Variants in TRPM7 observed in about 807,000 individuals in gnomAD.
TRPM7 encodes LTRPC ion channel family member 7.
Under a neutral mutation model 229.7 loss-of-function variants are expected in TRPM7, and 134 were observed. The ratio of observed to expected loss-of-function variants is 0.58; its 90% CI spans 0.51 to 0.67. The LOEUF (loss-of-function observed/expected upper bound fraction) is 0.67. Ranked by LOEUF, TRPM7 falls within the 30% of genes least tolerant of loss-of-function variation. TRPM7 has a pLI of 0.00. For missense variants in TRPM7, 1,901 were observed against 2,210.0 expected (o/e 0.86, Z 2.80); for synonymous variants, 699 against 715.2 (o/e 0.98, Z 0.36).
At chr15:50,577,131 C>T (rs1042883674) in intron 31 of TRPM7, among the ~76,000 whole-genome samples, 3 of 146,048 alleles carry the variant, frequency 2.1e-5, no homozygotes, top group South Asian at 2.2e-4. Context: ...GGGCGGGAGG[C>T]GTGGAATTAA....
chr15:50,582,669 G>C (rs1212619181), intron 29 of TRPM7, among the ~76,000 whole-genome samples: 1 of 152,160 alleles, frequency 6.6e-6, no homozygotes, highest in East Asian at 1.9e-4. Context: ...GATATATTTT[G>C]AATGTAAGTC....
In TRPM7 at chr15:50,586,193, G is replaced by A. The variant is rs140196141; in HGVS notation, c.4486+199C>T. Among the ~76,000 whole-genome samples, 379 of 152,272 alleles carry A rather than the reference G, an allele frequency of 2.5e-3. 2 individuals carry two copies. Among genetic ancestry groups the A allele is most frequent in the African/African-American group, 8.7e-3 (361 of 41,562 alleles). ...TCCATCTTTACAGAATAAACAATTT[G>A]TAAAACATATTCTAATAAAACATTC... On this transcript the variant is annotated intron_variant, in intron 28 of 38. Coordinates refer to ENST00000646667, the MANE Select transcript of TRPM7 (RefSeq NM_017672.6).
At chr15:50,639,593 TA>T (rs1424834858) in intron 5 of TRPM7, 45 bp from the exon 6 acceptor site, 25 of 1,576,046 alleles carry the variant, frequency 1.6e-5, no homozygotes, top group Non-Finnish European at 2.2e-5. Context: ...TTTATTTTCT[TA>T]AAGACAGGGT....
chr15:50,655,318 A>T lies in TRPM7; in HGVS notation c.122+2463T>A, dbSNP rs1190988726. Among the ~76,000 whole-genome samples the T allele has an allele frequency of 2.0e-5, 3 of 151,598 alleles. No homozygotes were observed. In the East Asian group the frequency reaches 5.9e-4, roughly 30 times the overall value. On this transcript the variant is annotated intron_variant, in intron 3 of 38. Coordinates refer to ENST00000646667, the MANE Select transcript of TRPM7 (RefSeq NM_017672.6). The stretch of plus-strand genomic sequence containing the variant: ...CATGGTGGCATGCGTCTGTAATCCC[A>T]GCTACTCAGATGGCTGAGGCAGGAG...
intron 12 of TRPM7, among the ~76,000 whole-genome samples, chr15:50,623,386 T>TG (rs1191751520): frequency 6.7e-6 from 1 of 149,602 alleles, no homozygotes; most frequent in African/African-American, 2.5e-5. Flanking sequence ...CACTCCAGCC[T>TG]GGTGACAGAG....
At chr15:50,615,528 A>G (rs1304027593) in intron 13 of TRPM7, among the ~76,000 whole-genome samples, 4 of 152,218 alleles carry the variant, frequency 2.6e-5, no homozygotes, top group African/African-American at 9.6e-5. Flanking sequence ...ATAATCTTAA[A>G]GGGATTTAAT....
chr15:50,600,241 A>G (rs1256962051), intron 21 of TRPM7, among the ~76,000 whole-genome samples: 3 of 152,194 alleles, frequency 2.0e-5, no homozygotes, highest in Admixed American at 6.5e-5. Flanking sequence ...GTTCGAGACT[A>G]GCCTGGCCAA....
intron 28 of TRPM7, among the ~76,000 whole-genome samples, chr15:50,585,323 A>G (rs1201056491): frequency 6.6e-6 from 1 of 152,180 alleles, no homozygotes; most frequent in Non-Finnish European, 1.5e-5. Flanking sequence ...TCGGCCTCCC[A>G]AAGTGCTAGG....
chr15:50,652,534 A>G (rs567493595), intron 3 of TRPM7, among the ~76,000 whole-genome samples: 31 of 151,834 alleles, frequency 2.0e-4, no homozygotes, highest in African/African-American at 6.8e-4. Flanking sequence ...TCAAAAAAAA[A>G]AAAAAAAATC....
intron 38 of TRPM7, among the ~76,000 whole-genome samples, chr15:50,568,961 C>G (rs2053743641): frequency 6.6e-6 from 1 of 152,118 alleles, no homozygotes; most frequent in African/African-American, 2.4e-5. Flanking sequence ...CCAGCCTGAG[C>G]AACAGAGTGA....
chr15:50,562,126 C>A (rs1406936916), intron 38 of TRPM7, among the ~76,000 whole-genome samples: 1 of 151,890 alleles, frequency 6.6e-6, no homozygotes, highest in Non-Finnish European at 1.5e-5. Flanking sequence ...GAACTCCCGT[C>A]CTCAGGTGAT....
intron 1 of TRPM7, among the ~76,000 whole-genome samples, chr15:50,669,379 G>A (rs1476556193): frequency 1.3e-5 from 2 of 152,068 alleles, no homozygotes. Flanking sequence ...AGGCTGCAGT[G>A]AGCCGAGGTC....
chr15:50,684,446 C>T (rs2062314429), intron 1 of TRPM7, among the ~76,000 whole-genome samples: 1 of 151,936 alleles, frequency 6.6e-6, no homozygotes, highest in Non-Finnish European at 1.5e-5. Flanking sequence ...TTCAAGACCA[C>T]CCTGGCCAAT....
intron 21 of TRPM7, among the ~76,000 whole-genome samples, chr15:50,603,420 A>G (rs1271552284): frequency 6.6e-6 from 1 of 151,908 alleles, no homozygotes; most frequent in Non-Finnish European, 1.5e-5. Context: ...GCACTCATTT[A>G]CATTAGGTAT....
intron 5 of TRPM7, among the ~76,000 whole-genome samples, chr15:50,639,822 A>G (rs1039527696): frequency 6.6e-6 from 1 of 151,096 alleles, no homozygotes; most frequent in African/African-American, 2.4e-5. Context: ...GATTACAGTC[A>G]TTACTGTGTT....
At chr15:50,651,551 C>A (rs916158563) in intron 3 of TRPM7, among the ~76,000 whole-genome samples, 2 of 152,100 alleles carry the variant, frequency 1.3e-5, no homozygotes, top group South Asian at 2.1e-4. Flanking sequence ...AATCCCAGCA[C>A]TTTGGGAGGC....
At chr15:50,619,210 A>C (rs2060317483) in intron 13 of TRPM7, among the ~76,000 whole-genome samples, 1 of 151,368 alleles carries the variant, frequency 6.6e-6, no homozygotes, top group Admixed American at 6.6e-5. Context: ...CAGAAGCTCA[A>C]CAGCTTTTTT....
At chr15:50,592,674 A>G (rs751087491) in intron 25 of TRPM7, 48 bp from the exon 26 acceptor site, 3 of 1,309,812 alleles carry the variant, frequency 2.3e-6, no homozygotes, top group South Asian at 2.9e-5. Flanking sequence ...AAAATAATGT[A>G]GAATTTTATT....
intron 7 of TRPM7, among the ~76,000 whole-genome samples, chr15:50,636,771 T>C (rs1329568500): frequency 1.3e-5 from 2 of 152,122 alleles, no homozygotes; most frequent in Non-Finnish European, 2.9e-5. Context: ...CTTTCAGTGA[T>C]TTTTTTCCCT....
Sources: gnomAD v4.1 joint callset for allele counts (sites outside exome capture counted in the v4.1 genomes callset) on GRCh38, gnomAD v4.1.1 for gene constraint, MANE v1.5 for transcripts, NCBI Gene and HGNC (gene_info 2026-07-23, HGNC 2026-07-21) for gene names.